The following PRDM5 variants were observed in gnomAD, a reference collection of about 807,000 sequenced individuals.
PRDM5 encodes the protein PR/SET domain 5.
PRDM5 carries 56 observed loss-of-function variants against 81.2 expected under a neutral mutation model. That is an observed-to-expected ratio of 0.69 (90% CI 0.56 to 0.86). PRDM5 has a LOEUF of 0.86. PRDM5 is among the 40% of genes least tolerant of loss of function. The pLI is 0.00. For synonymous variants in PRDM5, 267 were observed against 256.4 expected, an observed-to-expected ratio of 1.04 and a Z score of -0.39; for missense variants, 697 against 770.1, an observed-to-expected ratio of 0.91 and a Z score of 1.12.
At chr4:120,910,182 T>A (rs145173520) in intron 1 of PRDM5, among the ~76,000 whole-genome samples, 53 of 152,268 alleles carry the variant, frequency 3.5e-4, no homozygotes, top group African/African-American at 1.2e-3. Context: ...GGAGGTAAAT[T>A]AGCTTTCTAT....
chr4:120,915,041 T>A (rs1172465847), intron 1 of PRDM5, among the ~76,000 whole-genome samples: 1 of 152,088 alleles, frequency 6.6e-6, no homozygotes, highest in Non-Finnish European at 1.5e-5. Context: ...CCATATTGGA[T>A]TTAATATACA....
intron 2 of PRDM5, among the ~76,000 whole-genome samples, chr4:120,901,245 A>T (rs1029038388): frequency 2.6e-5 from 4 of 152,160 alleles, no homozygotes; most frequent in African/African-American, 9.7e-5. Flanking sequence ...TCCCACCATG[A>T]TGGCTATATT....
intron 3 of PRDM5, among the ~76,000 whole-genome samples, chr4:120,829,783 A>G (rs1756488575): frequency 6.6e-6 from 1 of 152,062 alleles, no homozygotes; most frequent in South Asian, 2.1e-4. Flanking sequence ...AACATGACTA[A>G]TGGGTAATCC....
intron 14 of PRDM5, among the ~76,000 whole-genome samples, chr4:120,721,854 T>A (rs1738655055): frequency 6.6e-6 from 1 of 152,238 alleles, no homozygotes. Context: ...AGGCCATCAC[T>A]TGGCTCTAAG....
chr4:120,896,339 G>A (rs955251322), intron 2 of PRDM5: 3 of 151,938 alleles, frequency 2.0e-5, no homozygotes, highest in East Asian at 3.9e-4. Flanking sequence ...AATTTGTTGC[G>A]AGGAACTTTA....
intron 14 of PRDM5, among the ~76,000 whole-genome samples, chr4:120,714,900 A>G (rs1560948911): frequency 6.6e-6 from 1 of 152,162 alleles, no homozygotes; most frequent in Non-Finnish European, 1.5e-5. Flanking sequence ...TGAACTCCAC[A>G]CTTGAGGGAA....
rs1738934562 is a variant in PRDM5, at chr4:120,723,547, C to G, written c.1624-13134G>C. On this transcript the variant is annotated intron_variant, in intron 14 of 15. Transcript: ENST00000264808. The stretch of plus-strand genomic sequence containing the variant: ...ACAAGAAAAAAGTTATGCTCACCAT[C>G]TTAAAAAATTATGATGCAAACTTCG... Among the ~76,000 whole-genome samples the G allele has an allele frequency of 1.3e-5, 2 of 151,804 alleles. 1 individual carries two copies. The highest frequency in any genetic ancestry group is 2.9e-5 in the Non-Finnish European group (2 of 67,988).
At chr4:120,871,429 G>A (rs1761772844) in intron 2 of PRDM5, among the ~76,000 whole-genome samples, 1 of 152,126 alleles carries the variant, frequency 6.6e-6, no homozygotes, top group Admixed American at 6.5e-5. Context: ...ACAGGCAGAT[G>A]TTGACACGAC....
At chr4:120,821,775 C>T (rs893621155) in intron 3 of PRDM5, among the ~76,000 whole-genome samples, 3 of 149,628 alleles carry the variant, frequency 2.0e-5, no homozygotes, top group Non-Finnish European at 4.4e-5. Context: ...AGTTCTAACA[C>T]AAACCAGAGG....
chr4:120,737,909 A>T (rs1741349919), intron 14 of PRDM5, among the ~76,000 whole-genome samples: 1 of 152,208 alleles, frequency 6.6e-6, no homozygotes, highest in African/African-American at 2.4e-5. Flanking sequence ...CTTCTGACAT[A>T]ATTTCACTTC....
chr4:120,783,668 C>A (rs1393596977), intron 11 of PRDM5, among the ~76,000 whole-genome samples: 1 of 152,024 alleles, frequency 6.6e-6, no homozygotes. Context: ...ATAGAAATTC[C>A]TGCAATTGCA....
chr4:120,823,547 G>T lies in PRDM5; in HGVS notation c.301-2202C>A, dbSNP rs189729349. 2.9e-3 allele frequency among the ~76,000 whole-genome samples: 438 copies of T among 152,184 alleles called. 4 individuals are homozygous for T. Among genetic ancestry groups the T allele is most frequent in the Non-Finnish European group, 7.5e-4 (51 of 68,010 alleles). The stretch of plus-strand genomic sequence containing the variant: ...ACCAACAGTCTCTTTCCTTTCATTT[G>T]CTACCCCAATACTATTAAGAAGTAT... On this transcript the variant is annotated intron_variant, in intron 3 of 15. Transcript: ENST00000264808.
At chr4:120,688,859 A>G (rs1398718779), downstream of PRDM5, among the ~76,000 whole-genome samples, 2 of 152,082 alleles carry the variant, frequency 1.3e-5, no homozygotes, top group Admixed American at 6.6e-5. Flanking sequence ...AAAAACTGGC[A>G]TAAATACTGT....
chr4:120,766,322 C>T (rs1013554448), intron 13 of PRDM5, among the ~76,000 whole-genome samples: 2 of 152,156 alleles, frequency 1.3e-5, no homozygotes, highest in African/African-American at 4.8e-5. Flanking sequence ...TTAGCCAACT[C>T]ATTAATGTTC....
intron 2 of PRDM5, among the ~76,000 whole-genome samples, chr4:120,898,913 A>C (rs1045448864): frequency 6.6e-6 from 1 of 152,024 alleles, no homozygotes; most frequent in African/African-American, 2.4e-5. Context: ...TCCTCTTTCC[A>C]TCCCGCTTCA....
chr4:120,726,393 T>A (rs1739417151), intron 14 of PRDM5, among the ~76,000 whole-genome samples: 1 of 152,212 alleles, frequency 6.6e-6, no homozygotes, highest in South Asian at 2.1e-4. Flanking sequence ...CATGCTTAGA[T>A]GATTTTGTTT....
At chr4:120,802,650 C>T (rs1319602146) in intron 8 of PRDM5, among the ~76,000 whole-genome samples, 3 of 152,228 alleles carry the variant, frequency 2.0e-5, no homozygotes, top group Non-Finnish European at 1.5e-5. Context: ...AGGGTCCTAA[C>T]TGTTAGAAGG....
chr4:120,834,516 T>C (rs749150642), intron 3 of PRDM5, among the ~76,000 whole-genome samples: 4 of 152,096 alleles, frequency 2.6e-5, no homozygotes, highest in Non-Finnish European at 5.9e-5. Flanking sequence ...GAGGAATAAA[T>C]TTCTGTAGGG....
intron 7 of PRDM5, chr4:120,813,050 A>C (rs1754054815): frequency 6.4e-6 from 1 of 155,332 alleles, no homozygotes; most frequent in South Asian, 1.9e-4. Context: ...GTATATGCTT[A>C]TCAAGTTAAC....
Sources: gnomAD v4.1 joint callset for allele counts (sites outside exome capture counted in the v4.1 genomes callset) on GRCh38, gnomAD v4.1.1 for gene constraint, MANE v1.5 for transcripts, NCBI Gene and HGNC (gene_info 2026-07-23, HGNC 2026-07-21) for gene names.